SYNPR: variants seen among roughly 807,000 people sequenced by gnomAD.
The protein encoded by SYNPR is synaptoporin.
A neutral mutation model predicts 32.9 loss-of-function variants in SYNPR; 23 were observed. The ratio of observed to expected loss-of-function variants is 0.70; its 90% CI spans 0.50 to 0.99. The LOEUF (loss-of-function observed/expected upper bound fraction) is 0.99. Among genes scored for constraint, SYNPR ranks in the 50% least tolerant of loss-of-function variants. The pLI is 0.00. For synonymous variants in SYNPR, 146 were observed against 135.9 expected (o/e 1.07, Z -0.52); for missense variants, 318 against 349.3 (o/e 0.91, Z 0.71).
At chr3:63,209,679 C>T in the SYNPR span, among the ~76,000 whole-genome samples, 1 of 152,156 alleles carries the variant, frequency 6.6e-6, no homozygotes, top group Non-Finnish European at 1.5e-5. Flanking sequence ...CTATTTACCT[C>T]GTTAATTTTT....
chr3:63,355,724 G>A (rs1013655677), intron 2 of SYNPR, among the ~76,000 whole-genome samples: 1 of 151,022 alleles, frequency 6.6e-6, no homozygotes, highest in Non-Finnish European at 1.5e-5. Flanking sequence ...CCAGTGCTCA[G>A]CCCCCTTCTC....
intron 2 of SYNPR, among the ~76,000 whole-genome samples, chr3:63,305,299 A>G (rs1165508444): frequency 2.0e-5 from 3 of 152,064 alleles, no homozygotes; most frequent in Admixed American, 1.3e-4. Flanking sequence ...CTGAGCTAGA[A>G]CCATCCAGCT....
chr3:63,510,257 C>T (rs1328296301), intron 3 of SYNPR, among the ~76,000 whole-genome samples: 5 of 152,104 alleles, frequency 3.3e-5, no homozygotes, highest in Admixed American at 6.6e-5. Context: ...ACCCAGGTCA[C>T]CCTATCACTG....
rs118017477 is a variant in SYNPR at position 63,405,587 on chromosome 3, C to G, written c.85-75245C>G. Among the ~76,000 whole-genome samples, 114 of 152,254 alleles carry G rather than the reference C, an allele frequency of 7.5e-4. 2 individuals are homozygous for G. The East Asian group carries it at 0.021, about 29-fold the overall frequency. ...TAAAGAAAGAACCTAATCTTAAGAA[C>G]AGTAGAAAGCAGATGAAAGGTGTTG... On this transcript the variant is annotated intron_variant, in intron 2 of 5. Transcript: ENST00000478300.
chr3:63,403,471 T>G (rs200420988), intron 2 of SYNPR, among the ~76,000 whole-genome samples: 12 of 114,970 alleles, frequency 1.0e-4, no homozygotes, highest in East Asian at 5.2e-4. Context: ...CACACACACA[T>G]AGAGAGAGAG....
intron 3 of SYNPR, among the ~76,000 whole-genome samples, chr3:63,540,787 A>C (rs1702283524): frequency 6.6e-6 from 1 of 151,952 alleles, no homozygotes; most frequent in Admixed American, 6.6e-5. Flanking sequence ...GGAGAGACAC[A>C]TACAGAAGAC....
At chr3:63,567,617 A>C (rs1163895938) in intron 4 of SYNPR, among the ~76,000 whole-genome samples, 1 of 152,178 alleles carries the variant, frequency 6.6e-6, no homozygotes, top group Non-Finnish European at 1.5e-5. Flanking sequence ...AGTTGGCACA[A>C]AGTTAGCCCT....
intron 2 of SYNPR, among the ~76,000 whole-genome samples, chr3:63,324,082 A>T (rs2087138872): frequency 6.6e-6 from 1 of 152,160 alleles, no homozygotes; most frequent in Non-Finnish European, 1.5e-5. Context: ...TGATGCTGAA[A>T]ATTTAATTGC....
intron 2 of SYNPR, among the ~76,000 whole-genome samples, chr3:63,373,501 C>T (rs1259241057): frequency 2.0e-5 from 3 of 151,988 alleles, no homozygotes; most frequent in Non-Finnish European, 2.9e-5. Flanking sequence ...GACTTGCTCT[C>T]CAGACTAACT....
rs1699936519 is a variant in SYNPR, at chr3:63,428,913, G to A, written c.85-51919G>A. ...TGAGGTGACTCCAGATTCAAGGAGTGAGAAAATCAACTCTATTTCTTGCAT... is the reference window on the plus strand; with the variant it reads ...TGAGGTGACTCCAGATTCAAGGAGTAAGAAAATCAACTCTATTTCTTGCAT... On this transcript the variant is annotated intron_variant, in intron 2 of 5. Transcript: ENST00000478300. Among the ~76,000 whole-genome samples, 4 of 152,176 alleles carry A rather than the reference G, an allele frequency of 2.6e-5. No homozygotes were observed. The South Asian group carries it at 8.3e-4, about 32-fold the overall frequency.
At chr3:63,551,858 C>G (rs1702506337) in intron 3 of SYNPR, among the ~76,000 whole-genome samples, 1 of 149,904 alleles carries the variant, frequency 6.7e-6, no homozygotes, top group Non-Finnish European at 1.5e-5. Context: ...CACTCTAGCC[C>G]CAGCATCTAG....
chr3:63,379,487 G>A (rs549955229), intron 2 of SYNPR, among the ~76,000 whole-genome samples: 1 of 152,186 alleles, frequency 6.6e-6, no homozygotes, highest in East Asian at 1.9e-4. Context: ...GCTTCAACTG[G>A]AAGTTTGTAG....
chr3:63,396,742 C>G (rs538218915), intron 2 of SYNPR, among the ~76,000 whole-genome samples: 1 of 152,280 alleles, frequency 6.6e-6, no homozygotes, highest in Non-Finnish European at 1.5e-5. Flanking sequence ...CCTGAGAGAA[C>G]TCTCTGCCTA....
intron 2 of SYNPR, among the ~76,000 whole-genome samples, chr3:63,396,549 T>C (rs74498595): frequency 1.3e-5 from 2 of 152,192 alleles, no homozygotes; most frequent in East Asian, 3.9e-4. Context: ...ACATCCTTTT[T>C]CTTAACATGT....
intron 3 of SYNPR, among the ~76,000 whole-genome samples, chr3:63,542,150 T>C (rs1164539675): frequency 6.6e-6 from 1 of 152,128 alleles, no homozygotes; most frequent in African/African-American, 2.4e-5. Flanking sequence ...AGTAAGAAAC[T>C]AGAATCTCGT....
intron 2 of SYNPR, among the ~76,000 whole-genome samples, chr3:63,425,899 C>T (rs1304459756): frequency 6.6e-6 from 1 of 151,806 alleles, no homozygotes; most frequent in African/African-American, 2.4e-5. Flanking sequence ...TCTCCTGCCT[C>T]AGCCTCCTGA....
rs891344752 is a variant in SYNPR, at chr3:63,413,173, T to A, written c.85-67659T>A. 3.9e-5 allele frequency among the ~76,000 whole-genome samples: 6 copies of A among 152,186 alleles called. No individual in the cohort carries two copies. The East Asian group carries it at 1.2e-3, about 29-fold the overall frequency. ...GTTAGAAACCATAAAATAACCTTCC[T>A]CATTAAAAAACCATTTTTCCATCAC... On this transcript the variant is annotated intron_variant, in intron 2 of 5. Transcript: ENST00000478300.
At chr3:63,407,998 A>G (rs2088384303) in intron 2 of SYNPR, among the ~76,000 whole-genome samples, 3 of 151,832 alleles carry the variant, frequency 2.0e-5, no homozygotes, top group African/African-American at 7.3e-5. Context: ...GCATCTTTAG[A>G]AAACTAGCTA....
the SYNPR span, among the ~76,000 whole-genome samples, chr3:63,222,500 T>C: frequency 1.3e-5 from 2 of 152,132 alleles, no homozygotes; most frequent in African/African-American, 4.8e-5. Flanking sequence ...CCTTCCTTGA[T>C]GAGACAACCA....
Sources: gnomAD v4.1 joint callset for allele counts (sites outside exome capture counted in the v4.1 genomes callset) on GRCh38, gnomAD v4.1.1 for gene constraint, MANE v1.5 for transcripts, NCBI Gene and HGNC (gene_info 2026-07-23, HGNC 2026-07-21) for gene names.